The following IPO7 variants were observed in gnomAD, a reference collection of about 807,000 sequenced individuals.
IPO7 encodes the protein importin 7, also known as importin-7.
Under a neutral mutation model 136.4 loss-of-function variants are expected in IPO7, and 13 were observed. The ratio of observed to expected loss-of-function variants is 0.10; its 90% CI spans 0.06 to 0.15. IPO7 has a LOEUF of 0.15. IPO7 is among the 10% of genes least tolerant of loss of function. IPO7 has a pLI of 1.00. For synonymous variants in IPO7, 403 were observed against 404.4 expected (o/e 1.00, Z 0.04); for missense variants, 857 against 1,240.6 (o/e 0.69, Z 4.65).
chr11:9,387,473 A>G (rs967742204), intron 1 of IPO7, among the ~76,000 whole-genome samples: 1 of 152,038 alleles, frequency 6.6e-6, no homozygotes, highest in Non-Finnish European at 1.5e-5. Flanking sequence ...CATACTCCCT[A>G]TCTCCTTTCA....
intron 5 of IPO7, among the ~76,000 whole-genome samples, chr11:9,415,322 CA>C (rs879548507): frequency 1.3e-3 from 173 of 130,864 alleles, no homozygotes; most frequent in Admixed American, 1.4e-3. Flanking sequence ...AACTCTGTCT[CA>C]AAAAAAAAAA....
chr11:9,438,045 G>GGTTTT, intron 21 of IPO7, 35 bp from the exon 22 acceptor site: 1 of 1,087,782 alleles, frequency 9.2e-7, no homozygotes, highest in Non-Finnish European at 1.2e-6. Flanking sequence ...AAAGAAAACA[G>GGTTTT]TTTTTTTTTT....
chr11:9,425,462 C>T (rs997431502), intron 12 of IPO7, 200 bp downstream of exon 12: 8 of 518,306 alleles, frequency 1.5e-5, no homozygotes, highest in African/African-American at 7.7e-5. Flanking sequence ...AAAAATAGGC[C>T]GGGTGTGGTG....
At position 9,433,691 on chromosome 11, in the gene IPO7, T is replaced by G. The variant is rs748286759; in HGVS notation, c.1949-30T>G. ...TAGTGCTATTTCACATGAGCAAGCATTTTCCTAATGACTTAGTATTCTCTT... is the reference window on the plus strand; with the variant it reads ...TAGTGCTATTTCACATGAGCAAGCAGTTTCCTAATGACTTAGTATTCTCTT... On this transcript the variant is annotated intron_variant, in intron 17 of 24. Transcript: ENST00000379719. 9 of 1,613,110 alleles carry G rather than the reference T, an allele frequency of 5.6e-6. No homozygotes were observed. The South Asian group carries it at 9.9e-5, about 18-fold the overall frequency.
In IPO7 at chr11:9,420,557, TA is replaced by T. The variant is rs558527849; in HGVS notation, c.822-54del. 2.0e-5 allele frequency: 32 copies of T among 1,570,816 alleles called. No individual in the cohort carries two copies. The East Asian group carries it at 6.9e-4, about 34-fold the overall frequency. On this transcript the variant is annotated intron_variant, in intron 7 of 24. Coordinates refer to ENST00000379719, the MANE Select transcript of IPO7 (RefSeq NM_006391.3). ...AAATTAATTTATTAAGGTTTTGCTT[TA>T]AAGTGCTAGCATAAAGCATTATAAA...
chr11:9,436,257 T>G lies in IPO7; in HGVS notation c.2173-14T>G. On this transcript the variant is annotated splice_polypyrimidine_tract_variant and intron_variant, in intron 19 of 24. Transcript: ENST00000379719. Reference sequence around the variant, plus strand: ...GATAAAGCCTTACTGCAATTTATATTCTGTTTTGATCAGGTTCTTACAGGA... The same window carrying G: ...GATAAAGCCTTACTGCAATTTATATGCTGTTTTGATCAGGTTCTTACAGGA... 1 of 1,585,972 alleles carries G rather than the reference T, an allele frequency of 6.3e-7. No homozygotes were observed. The highest frequency in any genetic ancestry group is 8.7e-7 in the Non-Finnish European group (1 of 1,155,022).
At chr11:9,409,806 A>T (rs1023932752) in intron 3 of IPO7, 122 bp from the exon 4 acceptor site, 16 of 660,220 alleles carry the variant, frequency 2.4e-5, no homozygotes, top group Non-Finnish European at 3.5e-5. Flanking sequence ...TTCTGTGTAC[A>T]TCTAAAATCA....
At chr11:9,415,516 A>G (rs1164411712) in intron 5 of IPO7, among the ~76,000 whole-genome samples, 1 of 152,028 alleles carries the variant, frequency 6.6e-6, no homozygotes, top group Non-Finnish European at 1.5e-5. Context: ...TATGTTCTAA[A>G]TTTTTCTAGG....
intron 2 of IPO7, among the ~76,000 whole-genome samples, chr11:9,405,964 T>C (rs767283903): frequency 6.6e-6 from 1 of 151,934 alleles, no homozygotes; most frequent in Non-Finnish European, 1.5e-5. Context: ...TTATAGCTCA[T>C]TGAATCTTCA....
intron 23 of IPO7, 21 bp from the exon 24 acceptor site, chr11:9,442,060 C>T (rs375601281): frequency 4.4e-5 from 52 of 1,193,256 alleles, no homozygotes; most frequent in Non-Finnish European, 6.3e-5. Context: ...TTGTTTTTCC[C>T]TTGTTTTTAT....
chr11:9,395,739 C>T (rs1207698848), intron 1 of IPO7, among the ~76,000 whole-genome samples: 5 of 151,642 alleles, frequency 3.3e-5, no homozygotes, highest in African/African-American at 1.2e-4. Context: ...TTTTTTGAGA[C>T]GGAGGCTCAC....
chr11:9,408,689 G>GT (rs764755785), intron 3 of IPO7, 50 bp downstream of exon 3: 15 of 610,718 alleles, frequency 2.5e-5, no homozygotes, highest in East Asian at 4.9e-5. Context: ...AACTTTCAGG[G>GT]TTTTTTGTTT....
intron 2 of IPO7, among the ~76,000 whole-genome samples, chr11:9,404,358 G>A (rs1414084253): frequency 2.0e-5 from 3 of 151,474 alleles, no homozygotes; most frequent in East Asian, 2.0e-4. Context: ...CCAGCTACTC[G>A]GGAGGCTGAG....
At chr11:9,421,620 T>TC (rs1429502872) in intron 8 of IPO7, among the ~76,000 whole-genome samples, 1 of 146,040 alleles carries the variant, frequency 6.8e-6, no homozygotes, top group Non-Finnish European at 1.5e-5. Flanking sequence ...AGAGCAAGAC[T>TC]CCATCTCAAA....
intron 12 of IPO7, 182 bp downstream of exon 12, chr11:9,425,444 TA>T: frequency 3.6e-6 from 2 of 558,392 alleles, no homozygotes; most frequent in East Asian, 5.9e-5. Context: ...CCCATCTCTA[TA>T]AGGATAAAAA....
chr11:9,440,979 G>C (rs896454635), intron 23 of IPO7, among the ~76,000 whole-genome samples: 1 of 152,138 alleles, frequency 6.6e-6, no homozygotes, highest in Non-Finnish European at 1.5e-5. Flanking sequence ...ACTCTTACGT[G>C]TATACCTGTT....
intron 1 of IPO7, 156 bp from the exon 2 acceptor site, chr11:9,403,134 T>G: frequency 1.5e-6 from 1 of 650,716 alleles, no homozygotes; most frequent in Admixed American, 2.9e-5. Flanking sequence ...TTCCTTAAAG[T>G]TCAATATAAG....
Position 9,423,763 on chromosome 11 carries a change from CT to C in IPO7, c.1042-10del. On this transcript the variant is annotated splice_polypyrimidine_tract_variant and intron_variant, in intron 9 of 24. Transcript: ENST00000379719. ...AAACTGATGGTTATTGTTTTCTTAA[CT>C]TTTAAATTGCAGGGCATTATCCAAG... 1 of 1,508,576 alleles carries C rather than the reference CT, an allele frequency of 6.6e-7. No individual in the cohort carries two copies. The highest frequency in any genetic ancestry group is 2.0e-5 in the Admixed American group (1 of 49,170). The allele number at this position is 1,508,576 out of a possible 1,614,324, so 93.4% of individuals were successfully genotyped here.
chr11:9,422,731 T>A (rs1855151062), intron 8 of IPO7, among the ~76,000 whole-genome samples: 1 of 152,108 alleles, frequency 6.6e-6, no homozygotes, highest in South Asian at 2.1e-4. Context: ...GAGAATCGCT[T>A]GAGGCCAGGA....
Sources: allele counts gnomAD v4.1 joint callset (sites outside exome capture counted in the v4.1 genomes callset), GRCh38; gene constraint gnomAD v4.1.1; transcripts MANE v1.5; gene names NCBI Gene and HGNC (gene_info 2026-07-23, HGNC 2026-07-21).